The following CDH9 variants were observed in gnomAD, a reference collection of about 807,000 sequenced individuals.
CDH9 encodes cadherin 9.
CDH9 carries 28 observed loss-of-function variants against 70.9 expected under a neutral mutation model. The ratio of observed to expected loss-of-function variants is 0.40; its 90% CI spans 0.29 to 0.54. The LOEUF (loss-of-function observed/expected upper bound fraction) is 0.54. CDH9 is among the 20% of genes least tolerant of loss of function. The pLI, the probability that CDH9 is intolerant of heterozygous loss-of-function variation, is 0.59. For missense variants in CDH9, 874 were observed against 984.4 expected, an observed-to-expected ratio of 0.89 and a Z score of 1.50; for synonymous variants, 409 against 343.1, an observed-to-expected ratio of 1.19 and a Z score of -2.12.
At chr5:26,919,010 G>A (rs1741196129) in intron 2 of CDH9, among the ~76,000 whole-genome samples, 3 of 152,102 alleles carry the variant, frequency 2.0e-5, no homozygotes, top group Admixed American at 1.3e-4. Context: ...AAGAGGAGGT[G>A]GAGGAAGGCA....
chr5:27,011,515 G>A (rs1291290955), intron 1 of CDH9, among the ~76,000 whole-genome samples: 7 of 152,000 alleles, frequency 4.6e-5, no homozygotes, highest in African/African-American at 1.7e-4. Flanking sequence ...GAGGGACTAT[G>A]GCCCTATCAA....
chr5:26,896,102 A>G (rs1242675712), intron 7 of CDH9, among the ~76,000 whole-genome samples: 1 of 152,060 alleles, frequency 6.6e-6, no homozygotes, highest in Non-Finnish European at 1.5e-5. Context: ...CCTTATAATA[A>G]TCTTGAGATG....
intron 1 of CDH9, among the ~76,000 whole-genome samples, chr5:27,028,860 G>C (rs1743264263): frequency 6.6e-6 from 1 of 151,990 alleles, no homozygotes. Flanking sequence ...TGTTGGTAGG[G>C]ATACAGAGAG....
chr5:27,024,670 T>C (rs1296806418), intron 1 of CDH9, among the ~76,000 whole-genome samples: 1 of 152,090 alleles, frequency 6.6e-6, no homozygotes, highest in African/African-American at 2.4e-5. Context: ...TAACAACAAT[T>C]CCAAGAATTC....
chr5:26,990,143 T>C (rs1226092104), intron 1 of CDH9, among the ~76,000 whole-genome samples: 2 of 152,186 alleles, frequency 1.3e-5, no homozygotes, highest in Non-Finnish European at 2.9e-5. Context: ...ATCATCATGA[T>C]CATCACAACC....
chr5:26,960,951 T>C (rs1742024905), intron 2 of CDH9, among the ~76,000 whole-genome samples: 1 of 152,022 alleles, frequency 6.6e-6, no homozygotes, highest in Admixed American at 6.6e-5. Context: ...AAATCAAAAG[T>C]GCATGCACAT....
chr5:26,995,301 GATA>G, intron 1 of CDH9, among the ~76,000 whole-genome samples: 1 of 152,242 alleles, frequency 6.6e-6, no homozygotes, highest in East Asian at 1.9e-4. Context: ...TAAACAAACT[GATA>G]GAGAAATAGA....
intron 2 of CDH9, among the ~76,000 whole-genome samples, chr5:26,953,652 C>T (rs988673413): frequency 2.0e-5 from 3 of 152,188 alleles, no homozygotes; most frequent in African/African-American, 7.2e-5. Flanking sequence ...CTCTCCAAGT[C>T]TTCCACTACA....
intron 3 of CDH9, among the ~76,000 whole-genome samples, chr5:26,910,487 T>G (rs979092763): frequency 6.6e-6 from 1 of 152,192 alleles, no homozygotes; most frequent in Non-Finnish European, 1.5e-5. Context: ...TGTAAAAGCT[T>G]TCTCTCTCTC....
At chr5:27,035,808 ACAT>A (rs1743384459) in intron 1 of CDH9, among the ~76,000 whole-genome samples, 1 of 151,690 alleles carries the variant, frequency 6.6e-6, no homozygotes, top group South Asian at 2.1e-4. Flanking sequence ...GATTATTTCT[ACAT>A]CATATTTAAA....
chr5:26,894,111 T>G (rs1157168786), intron 7 of CDH9, among the ~76,000 whole-genome samples: 2 of 152,140 alleles, frequency 1.3e-5, no homozygotes, highest in Non-Finnish European at 2.9e-5. Context: ...ATCTGTGCAT[T>G]GAATGGAGCT....
intron 9 of CDH9, among the ~76,000 whole-genome samples, chr5:26,889,085 C>T (rs557903356): frequency 5.9e-5 from 9 of 152,194 alleles, no homozygotes; most frequent in Admixed American, 3.3e-4. Flanking sequence ...AACTGTATTT[C>T]AGTTTATTTT....
chr5:26,956,569 G>C (rs534005179), intron 2 of CDH9, among the ~76,000 whole-genome samples: 1 of 152,182 alleles, frequency 6.6e-6, no homozygotes, highest in Non-Finnish European at 1.5e-5. Flanking sequence ...ATAGGCTATG[G>C]TTTGAATATT....
chr5:26,961,647 TAAAC>T (rs879674153), intron 2 of CDH9, among the ~76,000 whole-genome samples: 20 of 152,026 alleles, frequency 1.3e-4, no homozygotes, highest in Non-Finnish European at 2.5e-4. Flanking sequence ...TAAAAATAAA[TAAAC>T]AAAATAAAAA....
intron 2 of CDH9, among the ~76,000 whole-genome samples, chr5:26,983,522 G>A (rs1443028542): frequency 1.3e-5 from 2 of 152,144 alleles, no homozygotes; most frequent in African/African-American, 4.8e-5. Context: ...TGCTAACAGT[G>A]AGTTTTTATA....
At chr5:26,937,759 CT>C (rs1199400184) in intron 2 of CDH9, among the ~76,000 whole-genome samples, 13 of 152,030 alleles carry the variant, frequency 8.6e-5, no homozygotes. Flanking sequence ...TATATGACAT[CT>C]GGGAAAGGCA....
intron 3 of CDH9, among the ~76,000 whole-genome samples, chr5:26,913,129 C>T (rs1741081927): frequency 6.6e-6 from 1 of 152,112 alleles, no homozygotes; most frequent in East Asian, 1.9e-4. Flanking sequence ...CAGACTAATA[C>T]ACTCTGCATC....
In CDH9 at chr5:26,940,562, C is replaced by G. The variant is rs541224653; in HGVS notation, c.229-24638G>C. 5.5e-4 allele frequency among the ~76,000 whole-genome samples: 83 copies of G among 152,270 alleles called. 1 individual carries two copies. The highest frequency in any genetic ancestry group is 2.0e-3 in the African/African-American group (83 of 41,552). On this transcript the variant is annotated intron_variant, in intron 2 of 11. Coordinates refer to ENST00000231021, the MANE Select transcript of CDH9 (RefSeq NM_016279.4). Reference sequence around the variant, plus strand: ...ACATTTGATATGTGGTTTTCAGGACCTGGCCCAAGCCCAAATGCCTCTTTT... The same window carrying G: ...ACATTTGATATGTGGTTTTCAGGACGTGGCCCAAGCCCAAATGCCTCTTTT...
chr5:26,956,230 C>A (rs80162480), intron 2 of CDH9, among the ~76,000 whole-genome samples: 2 of 152,082 alleles, frequency 1.3e-5, no homozygotes, highest in Non-Finnish European at 2.9e-5. Flanking sequence ...ATAAGTCTCA[C>A]GAGATCTGAA....
Sources: allele counts gnomAD v4.1 joint callset (sites outside exome capture counted in the v4.1 genomes callset), GRCh38; gene constraint gnomAD v4.1.1; transcripts MANE v1.5; gene names NCBI Gene and HGNC (gene_info 2026-07-23, HGNC 2026-07-21).